Variants in TNFRSF11A observed in about 807,000 individuals in gnomAD.
TNFRSF11A encodes tumor necrosis factor receptor superfamily member 11A.
In TNFRSF11A, 32 loss-of-function variants were observed where a neutral mutation model predicts 55.7. That is an observed-to-expected ratio of 0.57 (90% CI 0.43 to 0.77). The LOEUF (loss-of-function observed/expected upper bound fraction) is 0.77, where lower values mean the gene tolerates loss of function less well. TNFRSF11A is among the 30% of genes least tolerant of loss of function. TNFRSF11A has a pLI of 0.00. For synonymous variants in TNFRSF11A, 311 were observed against 331.0 expected (o/e 0.94, Z 0.65); for missense variants, 753 against 809.8 (o/e 0.93, Z 0.85).
rs1246353212 is a variant in TNFRSF11A, at chr18:62,368,950, A to G, written c.1033A>G (p.Thr345Ala). ...IEEDSFRQMP[T>A]EDEYMDRPSQ... Reference sequence around the variant, plus strand: ...GGAAGACAGCTTCAGACAGATGCCCACAGAAGATGAATACATGGACAGGCC... The same window carrying G: ...GGAAGACAGCTTCAGACAGATGCCCGCAGAAGATGAATACATGGACAGGCC... The change falls in exon 9 of 10, where the codon ACA becomes GCA. Residue 345 changes from threonine to alanine, a missense_variant. Around this residue, in one of 3 missense-constraint regions of TNFRSF11A, gnomAD observed 567 missense variants for 596.7 expected, o/e 0.95. Transcript: ENST00000586569. The G allele has an allele frequency of 1.2e-5, 20 of 1,614,154 alleles. No homozygotes were observed. The highest frequency in any genetic ancestry group is 1.6e-5 in the Non-Finnish European group (19 of 1,180,058).
Position 62,389,002 on chromosome 18 carries a change from G to C in TNFRSF11A, c.*3968G>C, listed in dbSNP as rs1427477574. On this transcript the variant is annotated 3_prime_UTR_variant, in exon 10 of 10. Transcript: ENST00000586569. ...GTTTGCTCTTTGACAGTCTCTGATG[G>C]CATGTGAGTCTGGTGCATTGCTGTG... 1 of 152,340 alleles carries C rather than the reference G, an allele frequency of 6.6e-6. No homozygotes were observed. Among genetic ancestry groups the C allele is most frequent in the Non-Finnish European group, 1.5e-5 (1 of 68,082 alleles). The allele number at this position is 152,340 out of a possible 1,614,324, so 9.4% of individuals were successfully genotyped here. A position where few individuals can be genotyped will look rare whatever the true frequency, so the allele number is the denominator to read the frequency against.
At chr18:62,356,265 T>C (rs1568483354) in intron 4 of TNFRSF11A, among the ~76,000 whole-genome samples, 1 of 152,196 alleles carries the variant, frequency 6.6e-6, no homozygotes, top group African/African-American at 2.4e-5. Flanking sequence ...TCAAGGAAAA[T>C]GTCCATCACA....
At chr18:62,374,202 G>A (rs958183909) in intron 9 of TNFRSF11A, 14 of 152,200 alleles carry the variant, frequency 9.2e-5, no homozygotes, top group African/African-American at 3.4e-4. Context: ...GTCACTGTGT[G>A]TACTCTGCTT....
chr18:62,388,476 G>A lies in TNFRSF11A; in HGVS notation c.*3442G>A, dbSNP rs1911871392. On this transcript the variant is annotated 3_prime_UTR_variant, in exon 10 of 10. Transcript: ENST00000586569. ...GAGTTGCGGAATGAGAGGGTAGGGG[G>A]TGGACACACAGAGGGGAAGATGGCC... is the stretch of plus-strand genomic sequence containing the variant. 1 of 152,356 alleles carries A rather than the reference G, an allele frequency of 6.6e-6. No homozygotes were observed. Among genetic ancestry groups the A allele is most frequent in the African/African-American group, 2.4e-5 (1 of 41,478 alleles). The allele number at this position is 152,356 out of a possible 1,614,324, so 9.4% of individuals were successfully genotyped here.
chr18:62,365,117 T>G (rs1198156164), intron 7 of TNFRSF11A, among the ~76,000 whole-genome samples: 1 of 152,032 alleles, frequency 6.6e-6, no homozygotes, highest in South Asian at 2.1e-4. Context: ...TGCACCACCA[T>G]GCCCGGCTAA....
chr18:62,360,635 CA>C (rs1485256134), intron 6 of TNFRSF11A, among the ~76,000 whole-genome samples: 6 of 152,142 alleles, frequency 3.9e-5, no homozygotes, highest in Middle Eastern at 3.4e-3. Flanking sequence ...TTAGTAGAGA[CA>C]GGGTTTCACC....
chr18:62,341,754 C>T (rs545904612), intron 1 of TNFRSF11A, among the ~76,000 whole-genome samples: 22 of 150,020 alleles, frequency 1.5e-4, no homozygotes, highest in Non-Finnish European at 2.7e-4. Context: ...GGAGTTCTCA[C>T]GTCTGCCTCT....
At chr18:62,349,997 ATAG>A in intron 3 of TNFRSF11A, 60 bp downstream of exon 3, 3 of 1,605,692 alleles carry the variant, frequency 1.9e-6, no homozygotes, top group Non-Finnish European at 2.6e-6. Flanking sequence ...CTCTTTTTCT[ATAG>A]AAACATTTTT....
Position 62,385,124 on chromosome 18 carries a change from A to C in TNFRSF11A, c.*90A>C. ...CTGCCCCAGCCCCGGCCACCCAGGGATCGATCGGTACAGTCGAGGAAGACC... is the reference window on the plus strand; with the variant it reads ...CTGCCCCAGCCCCGGCCACCCAGGGCTCGATCGGTACAGTCGAGGAAGACC... On this transcript the variant is annotated 3_prime_UTR_variant, in exon 10 of 10. Coordinates refer to ENST00000586569, the MANE Select transcript of TNFRSF11A (RefSeq NM_003839.4). 1.5e-6 allele frequency: 2 copies of C among 1,340,348 alleles called. No individual in the cohort carries two copies. Among genetic ancestry groups the C allele is most frequent in the East Asian group, 6.1e-5 (2 of 32,784 alleles). The allele number at this position is 1,340,348 out of a possible 1,614,324, so 83.0% of individuals were successfully genotyped here. A position where few individuals can be genotyped will look rare whatever the true frequency, so the allele number is the denominator to read the frequency against.
intron 4 of TNFRSF11A, among the ~76,000 whole-genome samples, chr18:62,357,264 G>A (rs961333768): frequency 6.6e-6 from 1 of 152,214 alleles, no homozygotes; most frequent in Non-Finnish European, 1.5e-5. Flanking sequence ...CCAGCCAGTT[G>A]CCTGATTATG....
chr18:62,369,293 C>G lies in TNFRSF11A; in HGVS notation c.1376C>G (p.Pro459Arg), dbSNP rs1255085386. Residue 459 changes from proline (P) to arginine (R), a missense_variant, in exon 9 of 10, where the codon CCC becomes CGC. This residue lies in a region of TNFRSF11A where 567 missense variants were observed against 596.7 expected (regional missense o/e 0.95). Transcript: ENST00000586569. ...AACCCTCCTGGGGAGGACTGTGAAC[C>G]CCTCGTGGGTTCCCCAAAACGTGGA... ...CRNPPGEDCE[P>R]LVGSPKRGPL... The G allele has an allele frequency of 6.2e-7, 1 of 1,611,702 alleles. No individual in the cohort carries two copies. The highest frequency in any genetic ancestry group is 8.5e-7 in the Non-Finnish European group (1 of 1,179,012).
chr18:62,362,402 A>C (rs540979505), intron 7 of TNFRSF11A, among the ~76,000 whole-genome samples: 1 of 149,380 alleles, frequency 6.7e-6, no homozygotes, highest in African/African-American at 2.5e-5. Flanking sequence ...AGGTAGGAGG[A>C]TCACTTGAAC....
intron 1 of TNFRSF11A, among the ~76,000 whole-genome samples, chr18:62,346,285 A>G (rs1189429835): frequency 6.6e-6 from 1 of 152,178 alleles, no homozygotes. Flanking sequence ...GCTCGGATGA[A>G]TCCAGCTTTT....
At chr18:62,336,812 T>G (rs2046240770) in intron 1 of TNFRSF11A, 1 of 152,182 alleles carries the variant, frequency 6.6e-6, no homozygotes, top group Non-Finnish European at 1.5e-5. Context: ...ACAAAGACAC[T>G]TGCAATTAAA....
chr18:62,336,957 G>A (rs1243210179), intron 1 of TNFRSF11A, among the ~76,000 whole-genome samples: 4 of 152,158 alleles, frequency 2.6e-5, no homozygotes, highest in South Asian at 2.1e-4. Flanking sequence ...ATTGATGGGC[G>A]CCTGAGTCAG....
intron 1 of TNFRSF11A, among the ~76,000 whole-genome samples, chr18:62,332,676 C>T (rs567540167): frequency 3.2e-4 from 49 of 152,200 alleles, no homozygotes; most frequent in Non-Finnish European, 6.5e-4. Flanking sequence ...CCCACAACTT[C>T]CCCTTCCCCA....
In TNFRSF11A at chr18:62,386,303, G is replaced by A. The variant is rs115023470; in HGVS notation, c.*1269G>A. ...TTTTTTTTGTCTAGATAAGAATAGC[G>A]TGAATAGATCCTCTTTTATTCGTAA... On this transcript the variant is annotated 3_prime_UTR_variant, in exon 10 of 10. Transcript: ENST00000586569. 1 of 152,194 alleles carries A rather than the reference G, an allele frequency of 6.6e-6. No individual in the cohort carries two copies. Among genetic ancestry groups the A allele is most frequent in the Non-Finnish European group, 1.5e-5 (1 of 68,046 alleles). The allele number at this position is 152,194 out of a possible 1,614,324, so 9.4% of individuals were successfully genotyped here.
chr18:62,388,993 TC>T lies in TNFRSF11A; in HGVS notation c.*3960del, dbSNP rs1330980830. The T allele has an allele frequency of 6.6e-6, 1 of 152,332 alleles. No homozygotes were observed. The allele number at this position is 152,332 out of a possible 1,614,324, so 9.4% of individuals were successfully genotyped here. On this transcript the variant is annotated 3_prime_UTR_variant, in exon 10 of 10. Coordinates refer to ENST00000586569, the MANE Select transcript of TNFRSF11A (RefSeq NM_003839.4). ...TTTTGAGTTGTTTGCTCTTTGACAG[TC>T]TCTGATGGCATGTGAGTCTGGTGCA...
intron 1 of TNFRSF11A, among the ~76,000 whole-genome samples, chr18:62,341,108 AT>A (rs995031637): frequency 3.9e-5 from 6 of 152,366 alleles, no homozygotes; most frequent in African/African-American, 1.4e-4. Flanking sequence ...GTTAACAGAA[AT>A]CACAGATATA....
Sources: allele counts gnomAD v4.1 joint callset (sites outside exome capture counted in the v4.1 genomes callset), GRCh38; gene constraint gnomAD v4.1.1; regional missense constraint gnomAD v4.1.1; transcripts MANE v1.5; gene names NCBI Gene and HGNC (gene_info 2026-07-23, HGNC 2026-07-21).